The following MYT1L variants were observed in gnomAD, a reference collection of about 807,000 sequenced individuals.
The protein encoded by MYT1L is myelin transcription factor 1 like.
MYT1L carries 12 observed loss-of-function variants against 126.7 expected under a neutral mutation model. That is an observed-to-expected ratio of 0.09 (90% CI 0.06 to 0.15). The LOEUF is 0.15. MYT1L is among the 10% of genes least tolerant of loss of function. The pLI is 1.00. For missense variants in MYT1L, 979 were observed against 1,585.2 expected (o/e 0.62, Z 6.49); for synonymous variants, 541 against 604.2 (o/e 0.90, Z 1.53).
chr2:2,233,473 G>C (rs1460861917), intron 2 of MYT1L, among the ~76,000 whole-genome samples: 1 of 152,186 alleles, frequency 6.6e-6, no homozygotes, highest in Admixed American at 6.5e-5. Flanking sequence ...GAGGCCGCCT[G>C]CTCTGGCTCC....
intron 2 of MYT1L, among the ~76,000 whole-genome samples, chr2:2,272,676 A>G (rs1249405418): frequency 6.6e-6 from 1 of 152,138 alleles, no homozygotes. Flanking sequence ...GAATTTCTCC[A>G]TTAGATGAAA....
At chr2:2,042,133 C>T (rs776688201) in intron 4 of MYT1L, among the ~76,000 whole-genome samples, 1 of 152,168 alleles carries the variant, frequency 6.6e-6, no homozygotes. Flanking sequence ...GGCAGCCCCG[C>T]AATCCTGAGG....
Position 1,815,914 on chromosome 2 carries a change from C to T in MYT1L, c.3081-6747G>A, listed in dbSNP as rs185741433. 7.2e-3 allele frequency among the ~76,000 whole-genome samples: 1,098 copies of T among 152,378 alleles called. 10 individuals are homozygous for T. Among genetic ancestry groups the T allele is most frequent in the Non-Finnish European group, 0.011 (722 of 68,032 alleles). ...AGGTGAGAGGCACACGGCACCGCCC[C>T]GAGAAACTCCGTGGCTCCCTGTGCA... is the stretch of plus-strand genomic sequence containing the variant. On this transcript the variant is annotated intron_variant, in intron 21 of 24. Coordinates refer to ENST00000647738, the MANE Select transcript of MYT1L (RefSeq NM_001303052.2).
At chr2:1,940,110 G>A (rs2056468175) in intron 9 of MYT1L, among the ~76,000 whole-genome samples, 1 of 152,252 alleles carries the variant, frequency 6.6e-6, no homozygotes, top group Non-Finnish European at 1.5e-5. Flanking sequence ...GAAAGGGAGT[G>A]GAGTATCACG....
intron 1 of MYT1L, among the ~76,000 whole-genome samples, chr2:2,295,502 T>G (rs2095657367): frequency 1.2e-4 from 17 of 144,152 alleles, no homozygotes; most frequent in South Asian, 2.2e-4. Context: ...ATGTGGAGAG[T>G]GTGGGGGTGG....
chr2:1,990,650 A>G (rs567189180), intron 5 of MYT1L, among the ~76,000 whole-genome samples: 2 of 152,310 alleles, frequency 1.3e-5, no homozygotes, highest in East Asian at 3.9e-4. Context: ...CATGTGGGCA[A>G]CAGCACCCAC....
intron 1 of MYT1L, among the ~76,000 whole-genome samples, chr2:2,297,149 C>A (rs1032151822): frequency 6.6e-6 from 1 of 152,220 alleles, no homozygotes; most frequent in African/African-American, 2.4e-5. Flanking sequence ...GGACCTCCCG[C>A]CTTTGCGACA....
intron 2 of MYT1L, among the ~76,000 whole-genome samples, chr2:2,214,802 A>C (rs2093632429): frequency 6.6e-6 from 1 of 152,214 alleles, no homozygotes; most frequent in African/African-American, 2.4e-5. Context: ...TAGTAACTGT[A>C]TGGATAAATG....
intron 1 of MYT1L, among the ~76,000 whole-genome samples, chr2:2,295,209 C>G (rs1416367205): frequency 2.6e-5 from 4 of 152,100 alleles, no homozygotes; most frequent in Non-Finnish European, 1.5e-5. Context: ...GCTCTGTAGC[C>G]CGAGTGTGAT....
chr2:1,932,841 C>A (rs1357528031), intron 9 of MYT1L, among the ~76,000 whole-genome samples: 1 of 152,074 alleles, frequency 6.6e-6, no homozygotes, highest in Non-Finnish European at 1.5e-5. Context: ...GCTGGAAGGG[C>A]AGGTGGAGGG....
At chr2:2,309,179 A>G (rs1313963905) in intron 1 of MYT1L, among the ~76,000 whole-genome samples, 15 of 151,680 alleles carry the variant, frequency 9.9e-5, no homozygotes. Flanking sequence ...TCCATACTCC[A>G]CCTACACTTA....
intron 4 of MYT1L, among the ~76,000 whole-genome samples, chr2:2,045,271 A>G (rs1480134458): frequency 1.3e-5 from 2 of 152,222 alleles, no homozygotes; most frequent in African/African-American, 2.4e-5. Context: ...CACTGTGCAG[A>G]TATCACAGTT....
intron 2 of MYT1L, among the ~76,000 whole-genome samples, chr2:2,185,552 C>T (rs9678874): frequency 1.6e-4 from 19 of 121,698 alleles, no homozygotes; most frequent in Admixed American, 4.0e-4. Context: ...AGCCGGGCCT[C>T]CTCGAGTCCC....
chr2:1,871,482 C>T (rs1251915273), intron 18 of MYT1L, among the ~76,000 whole-genome samples: 1 of 152,236 alleles, frequency 6.6e-6, no homozygotes, highest in Admixed American at 6.5e-5. Context: ...CCTGTGGGAC[C>T]CCACATGAGT....
chr2:2,156,742 G>A (rs1055715145), intron 3 of MYT1L, among the ~76,000 whole-genome samples: 2 of 152,118 alleles, frequency 1.3e-5, no homozygotes, highest in Non-Finnish European at 2.9e-5. Flanking sequence ...AATGGCCTCC[G>A]GGGCCCCAGG....
At chr2:2,283,584 T>C (rs1458436540) in intron 2 of MYT1L, among the ~76,000 whole-genome samples, 2 of 152,174 alleles carry the variant, frequency 1.3e-5, no homozygotes, top group Admixed American at 6.5e-5. Context: ...CACTTCTCAA[T>C]TCCACCCACT....
chr2:2,001,237 C>CTTT (rs11389323), intron 4 of MYT1L, among the ~76,000 whole-genome samples: 8 of 103,880 alleles, frequency 7.7e-5, no homozygotes, highest in Admixed American at 2.0e-4. Context: ...TTGGTTTTAG[C>CTTT]TTTTTTTTTT....
rs1167018357 is a variant in MYT1L, at chr2:1,791,268, A to T, written c.*599T>A. On this transcript the variant is annotated 3_prime_UTR_variant, in exon 25 of 25. Coordinates refer to ENST00000647738, the MANE Select transcript of MYT1L (RefSeq NM_001303052.2). This position sits in a 1 kb window ranked among gnomAD's most constrained non-coding sequence, Gnocchi z 6.0. ...CCCCACCATACACCATCCTCCTAAAACAAACAAACAAAAAAGTCACATAAT... is the reference window on the plus strand; with the variant it reads ...CCCCACCATACACCATCCTCCTAAATCAAACAAACAAAAAAGTCACATAAT... 1 of 467,098 alleles carries T rather than the reference A, an allele frequency of 2.1e-6. No individual in the cohort carries two copies. Among genetic ancestry groups the T allele is most frequent in the Non-Finnish European group, 4.4e-6 (1 of 225,970 alleles). The allele number at this position is 467,098 out of a possible 1,614,324, so 28.9% of individuals were successfully genotyped here.
chr2:2,115,201 T>C (rs2080040800), intron 3 of MYT1L, among the ~76,000 whole-genome samples: 2 of 152,246 alleles, frequency 1.3e-5, no homozygotes, highest in African/African-American at 4.8e-5. Context: ...CATTGAAATC[T>C]TTGTAAAATA....
Sources: allele counts gnomAD v4.1 joint callset (sites outside exome capture counted in the v4.1 genomes callset), GRCh38; gene constraint gnomAD v4.1.1; non-coding constraint Gnocchi (gnomAD v3.1); transcripts MANE v1.5; gene names NCBI Gene and HGNC (gene_info 2026-07-23, HGNC 2026-07-21).